KIAA1217: variants seen among roughly 807,000 people sequenced by gnomAD.
The protein encoded by KIAA1217 is KIAA1217, also known as sickle tail protein homolog.
Under a neutral mutation model 163.9 loss-of-function variants are expected in KIAA1217, and 88 were observed. That is an observed-to-expected ratio of 0.54 (90% CI 0.45 to 0.64). The LOEUF (loss-of-function observed/expected upper bound fraction) is 0.64. Ranked by LOEUF, KIAA1217 falls within the 30% of genes least tolerant of loss-of-function variation. KIAA1217 has a pLI of 0.00. For missense variants in KIAA1217, 2,372 were observed against 2,475.0 expected (o/e 0.96, Z 0.88); for synonymous variants, 903 against 923.1 (o/e 0.98, Z 0.39).
At chr10:24,272,792 T>C (rs984910303) in intron 2 of KIAA1217, among the ~76,000 whole-genome samples, 1 of 152,242 alleles carries the variant, frequency 6.6e-6, no homozygotes, top group African/African-American at 2.4e-5. Context: ...AGGGTTTTTT[T>C]CCCCTTATGA....
chr10:23,850,147 C>G (rs1349911535), intron 1 of KIAA1217, among the ~76,000 whole-genome samples: 1 of 152,014 alleles, frequency 6.6e-6, no homozygotes, highest in Non-Finnish European at 1.5e-5. Flanking sequence ...AAGAACAACC[C>G]ACAGGTGCCT....
chr10:23,827,652 T>C (rs1031087988), intron 1 of KIAA1217, among the ~76,000 whole-genome samples: 2 of 152,182 alleles, frequency 1.3e-5, no homozygotes, highest in African/African-American at 2.4e-5. Context: ...CCAGCAGAAC[T>C]ATCTGGGGAG....
rs146926886 is a variant in KIAA1217, at chr10:24,448,246, T to TGG, written c.846+9774_846+9775dup. On this transcript the variant is annotated intron_variant, in intron 5 of 20. Transcript: ENST00000376454. Reference sequence around the variant, plus strand: ...CACAGTTATCTAACCTTTTTTTGCGTGGGGGGGGCTGGAGTTTTCAGGAGT... The same window carrying TGG: ...CACAGTTATCTAACCTTTTTTTGCGTGGGGGGGGGGCTGGAGTTTTCAGGAGT... Among the ~76,000 whole-genome samples, 14 of 151,440 alleles carry TGG rather than the reference T, an allele frequency of 9.2e-5. No homozygotes were observed. The Middle Eastern group carries it at 0.01, about 111-fold the overall frequency.
intron 2 of KIAA1217, among the ~76,000 whole-genome samples, chr10:24,010,518 A>G (rs1847196842): frequency 6.6e-6 from 1 of 151,128 alleles, no homozygotes; most frequent in South Asian, 2.1e-4. Context: ...TGAAAACATC[A>G]TCCAAAATAC....
chr10:24,208,429 G>A (rs1171618699), upstream of KIAA1217, among the ~76,000 whole-genome samples: 2 of 151,706 alleles, frequency 1.3e-5, no homozygotes, highest in Admixed American at 6.6e-5. Flanking sequence ...GGAGGAGTCT[G>A]AGAAAGTGAG....
chr10:24,214,200 G>C (rs753983422), intron 1 of KIAA1217, among the ~76,000 whole-genome samples: 5 of 152,092 alleles, frequency 3.3e-5, no homozygotes, highest in Non-Finnish European at 7.4e-5. Context: ...TGAAAACTGA[G>C]GGATGCTGTA....
At chr10:23,908,622 C>T (rs141361373) in intron 1 of KIAA1217, among the ~76,000 whole-genome samples, 1 of 152,102 alleles carries the variant, frequency 6.6e-6, no homozygotes, top group Non-Finnish European at 1.5e-5. Flanking sequence ...AACTCACAGT[C>T]CAGCAGGACA....
chr10:23,839,921 C>T (rs1175216552), intron 1 of KIAA1217, among the ~76,000 whole-genome samples: 3 of 152,042 alleles, frequency 2.0e-5, no homozygotes, highest in East Asian at 1.9e-4. Flanking sequence ...GAAGGGCATA[C>T]TTTTAATTGG....
intron 1 of KIAA1217, among the ~76,000 whole-genome samples, chr10:23,702,253 G>C (rs1185263171): frequency 6.6e-6 from 1 of 152,126 alleles, no homozygotes; most frequent in Non-Finnish European, 1.5e-5. Flanking sequence ...CAGAGAACTT[G>C]GGGTGGGTGG....
chr10:23,946,711 C>A (rs1844065206), intron 1 of KIAA1217, among the ~76,000 whole-genome samples: 1 of 152,144 alleles, frequency 6.6e-6, no homozygotes, highest in South Asian at 2.1e-4. Context: ...TCTTCAAGAG[C>A]CCATAACAAC....
chr10:24,503,818 G>A (rs1207900376), intron 9 of KIAA1217, among the ~76,000 whole-genome samples: 1 of 152,184 alleles, frequency 6.6e-6, no homozygotes, highest in Non-Finnish European at 1.5e-5. Flanking sequence ...CACTGCTCCT[G>A]CCTTTTGGCA....
At chr10:24,464,526 C>G (rs906231342) in intron 5 of KIAA1217, among the ~76,000 whole-genome samples, 1 of 152,116 alleles carries the variant, frequency 6.6e-6, no homozygotes, top group Admixed American at 6.6e-5. Flanking sequence ...CTCTGTCACC[C>G]AGGCTGGAGC....
intron 2 of KIAA1217, among the ~76,000 whole-genome samples, chr10:24,099,836 G>A (rs906497274): frequency 2.0e-5 from 3 of 149,526 alleles, no homozygotes; most frequent in Non-Finnish European, 4.4e-5. Flanking sequence ...GAGAACATGT[G>A]GTGTTTGGTT....
At chr10:23,781,422 ATATC>A (rs1835254157) in intron 1 of KIAA1217, among the ~76,000 whole-genome samples, 1 of 152,138 alleles carries the variant, frequency 6.6e-6, no homozygotes, top group Non-Finnish European at 1.5e-5. Context: ...CTTTGGGAAA[ATATC>A]TATCCAGGTC....
chr10:24,280,111 T>C (rs931002630), intron 2 of KIAA1217, among the ~76,000 whole-genome samples: 2 of 152,232 alleles, frequency 1.3e-5, no homozygotes, highest in African/African-American at 2.4e-5. Flanking sequence ...TAATCATTGA[T>C]GCCTCTCTAG....
chr10:24,255,597 G>A, intron 2 of KIAA1217: 3 of 452,736 alleles, frequency 6.6e-6, no homozygotes, highest in South Asian at 4.7e-5. Context: ...CAGGAGCAAG[G>A]TACAGGAGTG....
chr10:24,104,600 T>C (rs78301555), intron 2 of KIAA1217, among the ~76,000 whole-genome samples: 2,033 of 152,252 alleles, frequency 0.013, 30 homozygotes, highest in African/African-American at 0.046. Flanking sequence ...GTACAGGTAA[T>C]CATACATTTG....
intron 14 of KIAA1217, among the ~76,000 whole-genome samples, chr10:24,531,201 T>C (rs1466370499): frequency 3.9e-5 from 6 of 152,100 alleles, no homozygotes; most frequent in Non-Finnish European, 1.5e-5. Flanking sequence ...AGACCCTATC[T>C]ACAAAATAAA....
rs189747898 is a variant in KIAA1217, at chr10:23,815,605, C to T, written c.-321+120371C>T. On this transcript the variant is annotated intron_variant, in intron 1 of 18. Coordinates refer to the KIAA1217 transcript ENST00000376462. ...CTTGCAGTGAGCTGAGATCAGGCCACTGCACTCCAGCCTGGGCGACAGAGC... is the reference window on the plus strand; with the variant it reads ...CTTGCAGTGAGCTGAGATCAGGCCATTGCACTCCAGCCTGGGCGACAGAGC... 2.8e-3 allele frequency among the ~76,000 whole-genome samples: 432 copies of T among 152,314 alleles called. 3 individuals are homozygous for T. Among genetic ancestry groups the T allele is most frequent in the African/African-American group, 0.01 (418 of 41,558 alleles).
Sources: gnomAD v4.1 joint callset for allele counts (sites outside exome capture counted in the v4.1 genomes callset) on GRCh38, gnomAD v4.1.1 for gene constraint, MANE v1.5 for transcripts, NCBI Gene and HGNC (gene_info 2026-07-23, HGNC 2026-07-21) for gene names.